Variants in TENM1 observed in about 807,000 individuals in gnomAD.
The protein encoded by TENM1 is teneurin-1.
Under a neutral mutation model 174.8 loss-of-function variants are expected in TENM1, and 35 were observed. The observed-to-expected ratio is 0.20, with a 90% CI of 0.15 to 0.27. The LOEUF is 0.27. Among genes scored for constraint, TENM1 ranks in the 10% least tolerant of loss-of-function variants. TENM1 has a pLI of 1.00. For missense variants in TENM1, 1,633 were observed against 2,130.1 expected (o/e 0.77, Z 4.59); for synonymous variants, 781 against 798.7 (o/e 0.98, Z 0.37).
At chrX:124,631,499 G>A (rs1602848651) in intron 11 of TENM1, among the ~76,000 whole-genome samples, 1 of 111,355 alleles carries the variant, frequency 9.0e-6, no homozygotes. Context: ...GATACCAAAA[G>A]GGGGAAAATC....
At chrX:124,731,445 G>C (rs1189134744) in intron 4 of TENM1, among the ~76,000 whole-genome samples, 1 of 111,739 alleles carries the variant, frequency 8.9e-6, no homozygotes, top group Admixed American at 9.5e-5. Context: ...ATCCCAGAGT[G>C]GTCAGAGGTC....
the TENM1 span, among the ~76,000 whole-genome samples, chrX:125,001,727 C>T: frequency 9.0e-6 from 1 of 110,644 alleles, no homozygotes; most frequent in African/African-American, 3.3e-5. Context: ...GTCCAATACA[C>T]ATTGGACTAT....
exon 32 of TENM1, chrX:124,376,017 T>C (rs1348358539): frequency 2.7e-5 from 3 of 112,855 alleles, no homozygotes; most frequent in Non-Finnish European, 5.6e-5. Context: ...GTGATGCTCT[T>C]GTAGAAAAAT....
chrX:124,974,271 C>T, the TENM1 span, among the ~76,000 whole-genome samples: 1 of 111,754 alleles, frequency 8.9e-6, no homozygotes, highest in African/African-American at 3.2e-5. Flanking sequence ...AAGTTCCCAC[C>T]TCTCAACACT....
At chrX:125,168,375 C>G in the TENM1 span, among the ~76,000 whole-genome samples, 42 of 111,531 alleles carry the variant, frequency 3.8e-4, no homozygotes, top group Non-Finnish European at 7.9e-4. Flanking sequence ...TTGTCCATAC[C>G]AAGGTACTTG....
chrX:124,674,354 G>A (rs904652571), intron 5 of TENM1, among the ~76,000 whole-genome samples: 3 of 97,336 alleles, frequency 3.1e-5, no homozygotes, highest in East Asian at 3.1e-4. Context: ...AAGCCATTTC[G>A]TATTTCTCTT....
At chrX:125,052,469 C>T in the TENM1 span, among the ~76,000 whole-genome samples, 1 of 111,452 alleles carries the variant, frequency 9.0e-6, no homozygotes, top group African/African-American at 3.3e-5. Flanking sequence ...TAATCGAAGA[C>T]ACTTTACACT....
rs777136912 is a variant in TENM1, at chrX:124,850,117, TG to T, written c.535+44178del. Reference sequence around the variant, plus strand: ...ATTTATACCCAAAGCCTGTGTTTAATGGGATAAAAAAGACTGAAAAAGAAAC... The same window carrying T: ...ATTTATACCCAAAGCCTGTGTTTAATGGATAAAAAAGACTGAAAAAGAAAC... On this transcript the variant is annotated intron_variant, in intron 3 of 31. Transcript: ENST00000422452. 6.3e-5 allele frequency among the ~76,000 whole-genome samples: 7 copies of T among 111,970 alleles called. No individual in the cohort carries two copies. The East Asian group carries it at 8.5e-4, about 14-fold the overall frequency.
chrX:124,477,688 G>T (rs2046759566), intron 22 of TENM1, among the ~76,000 whole-genome samples: 1 of 106,042 alleles, frequency 9.4e-6, no homozygotes, highest in African/African-American at 3.4e-5. Flanking sequence ...GGAGGTGGAG[G>T]TTGCAGTGAC....
chrX:124,518,746 G>C (rs1408274531), intron 18 of TENM1, among the ~76,000 whole-genome samples: 1 of 111,471 alleles, frequency 9.0e-6, no homozygotes, highest in Non-Finnish European at 1.9e-5. Flanking sequence ...AATTTATCCA[G>C]CGTCACACAG....
At chrX:125,012,075 A>T in the TENM1 span, among the ~76,000 whole-genome samples, 3 of 111,616 alleles carry the variant, frequency 2.7e-5, no homozygotes, top group African/African-American at 9.8e-5. Flanking sequence ...TCAGCAAACT[A>T]ACACAGGAAC....
intron 13 of TENM1, among the ~76,000 whole-genome samples, chrX:124,562,391 T>C (rs2048837128): frequency 8.9e-6 from 1 of 112,247 alleles, no homozygotes; most frequent in Admixed American, 9.5e-5. Flanking sequence ...AAGATTATTA[T>C]TCATCTGCGG....
At chrX:124,799,807 G>A (rs111406781) in intron 3 of TENM1, among the ~76,000 whole-genome samples, 3,276 of 111,096 alleles carry the variant, frequency 0.029, 49 homozygotes, top group Middle Eastern at 0.07. Context: ...AGTTTTTAAC[G>A]TGAAGGGATG....
At chrX:124,870,699 C>T (rs1286935751) in intron 3 of TENM1, among the ~76,000 whole-genome samples, 1 of 109,069 alleles carries the variant, frequency 9.2e-6, no homozygotes, top group African/African-American at 3.3e-5. Flanking sequence ...AACAATGCTG[C>T]AGAGTTAAGA....
At chrX:125,184,941 T>C in the TENM1 span, among the ~76,000 whole-genome samples, 3 of 111,800 alleles carry the variant, frequency 2.7e-5, no homozygotes, top group African/African-American at 9.7e-5. Flanking sequence ...AACAGTGGAC[T>C]GACTATAGAG....
chrX:124,597,699 C>A (rs2049931621), intron 11 of TENM1, among the ~76,000 whole-genome samples: 1 of 110,987 alleles, frequency 9.0e-6, no homozygotes, highest in Non-Finnish European at 1.9e-5. Flanking sequence ...AGAAAAAGAA[C>A]CCTATCTCTC....
At chrX:124,753,000 G>C (rs991277528) in intron 3 of TENM1, among the ~76,000 whole-genome samples, 2 of 108,342 alleles carry the variant, frequency 1.8e-5, no homozygotes, top group African/African-American at 6.6e-5. Context: ...CCATATGAAC[G>C]TTAGTTTTTT....
At chrX:124,818,027 G>C (rs1439402434) in intron 3 of TENM1, among the ~76,000 whole-genome samples, 1 of 110,490 alleles carries the variant, frequency 9.1e-6, no homozygotes, top group East Asian at 2.8e-4. Flanking sequence ...ATTTACTGAG[G>C]CAGGGCTGTC....
At chrX:124,994,452 T>C in the TENM1 span, among the ~76,000 whole-genome samples, 2 of 109,944 alleles carry the variant, frequency 1.8e-5, no homozygotes, top group African/African-American at 6.6e-5. Context: ...CCTTATCTTA[T>C]AGATTAGGAA....
Sources: allele counts gnomAD v4.1 joint callset (sites outside exome capture counted in the v4.1 genomes callset), GRCh38; gene constraint gnomAD v4.1.1; transcripts MANE v1.5; gene names NCBI Gene and HGNC (gene_info 2026-07-23, HGNC 2026-07-21).